Variants in GON4L observed in about 807,000 individuals in gnomAD.
The protein encoded by GON4L is GON-4-like protein.
In GON4L, 87 loss-of-function variants were observed where a neutral mutation model predicts 211.8. The ratio of observed to expected loss-of-function variants is 0.41; its 90% CI spans 0.35 to 0.49. The LOEUF (loss-of-function observed/expected upper bound fraction) is 0.49, where lower values mean the gene tolerates loss of function less well. GON4L is among the 20% of genes least tolerant of loss of function. The probability of loss-of-function intolerance (pLI) is 0.15; values close to 1 mark genes in which losing one functional copy is unlikely to be tolerated. For missense variants in GON4L, 2,155 were observed against 2,659.5 expected (o/e 0.81, Z 4.17); for synonymous variants, 875 against 962.6 (o/e 0.91, Z 1.68).
intron 2 of GON4L, among the ~76,000 whole-genome samples, chr1:155,831,111 T>C (rs1054432928): frequency 6.6e-6 from 1 of 151,958 alleles, no homozygotes; most frequent in Non-Finnish European, 1.5e-5. Context: ...CCAGCCTGGT[T>C]AATGTGGTGA....
intron 14 of GON4L, among the ~76,000 whole-genome samples, chr1:155,779,376 G>A (rs1037727714): frequency 3.3e-5 from 5 of 151,668 alleles, no homozygotes. Flanking sequence ...GAATGCAGTG[G>A]CATGATCTCG....
chr1:155,805,333 C>T (rs1328042812), intron 10 of GON4L, among the ~76,000 whole-genome samples, 192 bp from the exon 11 acceptor site: 1 of 152,156 alleles, frequency 6.6e-6, no homozygotes, highest in African/African-American at 2.4e-5. Context: ...TTGAAACCAA[C>T]ATTTTAGGAA....
chr1:155,857,294 C>T (rs1213724905), upstream of GON4L: 1 of 152,380 alleles, frequency 6.6e-6, no homozygotes, highest in African/African-American at 2.4e-5. Flanking sequence ...CACTATGCGC[C>T]ATCCCATTTT....
intron 4 of GON4L, among the ~76,000 whole-genome samples, chr1:155,821,911 C>T (rs768261421): frequency 3.3e-5 from 5 of 152,300 alleles, no homozygotes; most frequent in Admixed American, 6.5e-5. Context: ...AAAGTATTTA[C>T]ATATGTACAA....
intron 11 of GON4L, among the ~76,000 whole-genome samples, chr1:155,802,320 G>GGA (rs1666750213): frequency 7.0e-6 from 1 of 143,154 alleles, no homozygotes; most frequent in Non-Finnish European, 1.5e-5. Context: ...CTTGGGGGGG[G>GGA]GGAAGGCTTT....
chr1:155,775,516 G>A (rs1387055697), intron 16 of GON4L, among the ~76,000 whole-genome samples: 1 of 151,128 alleles, frequency 6.6e-6, no homozygotes, highest in African/African-American at 2.4e-5. Context: ...GCGTAGTGGT[G>A]CGATCTTGAC....
In GON4L at chr1:155,765,970, T is replaced by C. The variant is rs751091286; in HGVS notation, c.3503A>G (p.Asn1168Ser). ...GGGCNMIQPV[N>S]AAVAQSPQTI... ...CTGGGGACTCTGGGCCACAGCCGCA[T>C]TGACAGGCTGGATCATGTTACAGCC... Residue 1168 changes from asparagine (N) to serine (S), a missense_variant, in exon 21 of 32, where the codon AAT becomes AGT. Asn to Ser is a conservative substitution (Grantham distance 46). Around this residue, in one of 6 missense-constraint regions of GON4L, gnomAD observed 615 missense variants for 625.7 expected, o/e 0.98. Transcript: ENST00000368331. 6 of 1,614,000 alleles carry C rather than the reference T, an allele frequency of 3.7e-6. No individual in the cohort carries two copies. Among genetic ancestry groups the C allele is most frequent in the East Asian group, 2.2e-5 (1 of 44,894 alleles).
At chr1:155,774,195 T>A (rs1297900646) in intron 17 of GON4L, among the ~76,000 whole-genome samples, 2 of 152,208 alleles carry the variant, frequency 1.3e-5, no homozygotes, top group African/African-American at 4.8e-5. Context: ...TTTAAAATAC[T>A]GAACATGGCA....
rs144574819 is a variant in GON4L at position 155,853,360 on chromosome 1, C to A, written c.421G>T (p.Val141Phe). The A allele has an allele frequency of 7.4e-6, 12 of 1,614,136 alleles. No individual in the cohort carries two copies. The South Asian group carries it at 1.1e-4, about 15-fold the overall frequency. Residue 141 changes from valine (V) to phenylalanine (F), a missense_variant, in exon 2 of 32, where the codon GTT becomes TTT. Around this residue, in one of 6 missense-constraint regions of GON4L, gnomAD observed 313 missense variants for 293.2 expected, o/e 1.07. Transcript: ENST00000368331. The stretch of plus-strand genomic sequence containing the variant: ...TGATCACATCTGTCTTCTTGGGTAA[C>A]TGGCCCAGGCCTGAGTGTCATTTTT... Reference protein sequence around the residue: ...GKKMTLRPGPVTQEDRCDHLT... With the variant: ...GKKMTLRPGPFTQEDRCDHLT...
Position 155,853,271 on chromosome 1 carries a change from C to T in GON4L, c.505+5G>A, listed in dbSNP as rs1557937157. Reference sequence around the variant, plus strand: ...AATGTAACCTAGAGACCTTGTATACCTTACCTCCTTCTTCCTTGACTTCTT... The same window carrying T: ...AATGTAACCTAGAGACCTTGTATACTTTACCTCCTTCTTCCTTGACTTCTT... On this transcript the variant is annotated splice_donor_5th_base_variant and intron_variant, in intron 2 of 31. Transcript: ENST00000368331. 1 of 1,612,616 alleles carries T rather than the reference C, an allele frequency of 6.2e-7. No homozygotes were observed. Among genetic ancestry groups the T allele is most frequent in the Non-Finnish European group, 8.5e-7 (1 of 1,178,646 alleles).
intron 3 of GON4L, among the ~76,000 whole-genome samples, chr1:155,826,619 G>A (rs1249774631): frequency 6.6e-6 from 1 of 151,784 alleles, no homozygotes. Flanking sequence ...CATCAGGATA[G>A]TGGTTAACCT....
At chr1:155,797,668 A>ACC (rs66502933) in intron 11 of GON4L, among the ~76,000 whole-genome samples, 7 of 143,640 alleles carry the variant, frequency 4.9e-5, no homozygotes, top group Admixed American at 1.4e-4. Context: ...ACATGGTGAG[A>ACC]CCCCCCCCCT....
downstream of GON4L, among the ~76,000 whole-genome samples, chr1:155,745,174 A>C (rs1202757821): frequency 6.6e-6 from 1 of 152,256 alleles, no homozygotes; most frequent in Non-Finnish European, 1.5e-5. Flanking sequence ...CATACAATGG[A>C]CTATTCCACA....
chr1:155,753,910 C>T (rs567476497), intron 28 of GON4L: 1 of 221,536 alleles, frequency 4.5e-6, no homozygotes, highest in African/African-American at 2.3e-5. Context: ...CACTCTGTCA[C>T]CCAGGCTGGA....
At position 155,777,716 on chromosome 1, in the gene GON4L, T is replaced by G. The variant is rs1325397042; in HGVS notation, c.1997A>C (p.Glu666Ala). 3 of 1,612,884 alleles carry G rather than the reference T, an allele frequency of 1.9e-6. No individual in the cohort carries two copies. The highest frequency in any genetic ancestry group is 2.5e-6 in the Non-Finnish European group (3 of 1,178,880). Residue 666 changes from glutamate to alanine, a missense_variant, in exon 15 of 32, where the codon GAA becomes GCA. Around this residue, in one of 6 missense-constraint regions of GON4L, gnomAD observed 551 missense variants for 854.0 expected, o/e 0.65. Coordinates refer to ENST00000368331, the MANE Select transcript of GON4L (RefSeq NM_001282860.2). ...ACTCTGGGGTTTAACCTTCTCTACT[T>G]CCTGCAGCTGTTTGGCTGAAGATTT... ...MKKSSAKQLQ[E>A]VEKVKPQSEK...
At chr1:155,841,162 A>C (rs1670739775) in intron 2 of GON4L, among the ~76,000 whole-genome samples, 1 of 152,242 alleles carries the variant, frequency 6.6e-6, no homozygotes, top group Non-Finnish European at 1.5e-5. Context: ...ATGTTTAGGT[A>C]CCTGTAAGAT....
intron 10 of GON4L, 67 bp from the exon 11 acceptor site, chr1:155,805,208 C>A: frequency 1.9e-6 from 2 of 1,034,520 alleles, no homozygotes; most frequent in Admixed American, 3.4e-5. Context: ...CACTCCTTTT[C>A]TTCTCATCTT....
chr1:155,772,992 C>T (rs1374627752), intron 18 of GON4L, 74 bp downstream of exon 18: 1 of 1,586,326 alleles, frequency 6.3e-7, no homozygotes, highest in East Asian at 2.2e-5. Context: ...CTTACTTCCC[C>T]TAAACTCCTC....
chr1:155,745,581 G>A (rs399748), downstream of GON4L, among the ~76,000 whole-genome samples: 12 of 152,116 alleles, frequency 7.9e-5, no homozygotes, highest in East Asian at 5.8e-4. Flanking sequence ...CCCCGCTCCA[G>A]CGTGGAGCAG....
Sources: gnomAD v4.1 joint callset for allele counts (sites outside exome capture counted in the v4.1 genomes callset) on GRCh38, gnomAD v4.1.1 for gene constraint, gnomAD v4.1.1 regional missense constraint, MANE v1.5 for transcripts, NCBI Gene and HGNC (gene_info 2026-07-23, HGNC 2026-07-21) for gene names.